STON2: variants seen among roughly 807,000 people sequenced by gnomAD.
STON2 encodes stonin-2.
Under a neutral mutation model 65.7 loss-of-function variants are expected in STON2, and 29 were observed. The observed-to-expected ratio is 0.44, with a 90% CI of 0.33 to 0.60. STON2 has a LOEUF of 0.60. STON2 is among the 20% of genes least tolerant of loss of function. STON2 has a pLI of 0.03. For synonymous variants in STON2, 404 were observed against 414.2 expected, an observed-to-expected ratio of 0.98 and a Z score of 0.30; for missense variants, 1,054 against 1,118.1, an observed-to-expected ratio of 0.94 and a Z score of 0.82.
At chr14:81,269,627 T>A in intron 7 of STON2, 1 of 985,382 alleles carries the variant, frequency 1.0e-6, no homozygotes, top group Non-Finnish European at 1.2e-6. Context: ...TGTTTGTTCC[T>A]TTTGGTAGTT....
upstream of STON2, among the ~76,000 whole-genome samples, chr14:81,404,708 T>G (rs1009203491): frequency 2.0e-5 from 3 of 152,160 alleles, no homozygotes; most frequent in African/African-American, 4.8e-5. Context: ...GGTCTCACTC[T>G]GTTGCCCAGG....
intron 4 of STON2, among the ~76,000 whole-genome samples, chr14:81,341,446 G>GT (rs748642462): frequency 0.11 from 12,314 of 114,048 alleles, 920 homozygotes; most frequent in African/African-American, 0.24. Flanking sequence ...TTTTATAAGT[G>GT]TTTTTTTTTT....
Position 81,397,545 on chromosome 14 carries a change from G to A in STON2, c.88+750C>T, listed in dbSNP as rs539845222. Reference sequence around the variant, plus strand: ...TCAGTAACCACATGGCCACCATATTGGAGAGCATACCTGTCGACTCACACT... The same window carrying A: ...TCAGTAACCACATGGCCACCATATTAGAGAGCATACCTGTCGACTCACACT... On this transcript the variant is annotated intron_variant, in intron 2 of 7. Transcript: ENST00000614646. Among the ~76,000 whole-genome samples the A allele has an allele frequency of 3.3e-5, 5 of 152,220 alleles. No homozygotes were observed. The South Asian group carries it at 6.2e-4, about 19-fold the overall frequency.
At chr14:81,298,420 G>GA (rs939632896) in intron 5 of STON2, among the ~76,000 whole-genome samples, 4 of 61,088 alleles carry the variant, frequency 6.5e-5, no homozygotes, top group South Asian at 7.2e-4. Flanking sequence ...CAGATGGGGG[G>GA]GGGGAATCAC....
chr14:81,380,164 T>C (rs973811681), intron 3 of STON2, among the ~76,000 whole-genome samples: 8 of 152,094 alleles, frequency 5.3e-5, no homozygotes, highest in African/African-American at 1.2e-4. Context: ...AACAACCCCA[T>C]TAAAATGGGC....
At chr14:81,372,710 T>C (rs1352812486) in intron 3 of STON2, among the ~76,000 whole-genome samples, 1 of 152,200 alleles carries the variant, frequency 6.6e-6, no homozygotes, top group African/African-American at 2.4e-5. Context: ...ATTTTACAAA[T>C]GTCTTGTTTC....
At chr14:81,384,438 G>A (rs1388631785) in intron 3 of STON2, among the ~76,000 whole-genome samples, 1 of 152,108 alleles carries the variant, frequency 6.6e-6, no homozygotes, top group Non-Finnish European at 1.5e-5. Context: ...GTTTCACTAT[G>A]TTGGCCAGGC....
Position 81,264,057 on chromosome 14 carries a change from T to C in STON2, c.*4357A>G. 1.0e-6 allele frequency: 1 copy of C among 985,454 alleles called. No homozygotes were observed. Among genetic ancestry groups the C allele is most frequent in the Non-Finnish European group, 1.2e-6 (1 of 829,944 alleles). 61.0% of individuals were successfully genotyped at this position (985,454 alleles called of 1,614,324 possible). On this transcript the variant is annotated 3_prime_UTR_variant, in exon 8 of 8. Coordinates refer to ENST00000614646, the MANE Select transcript of STON2 (RefSeq NM_001394390.1). Reference sequence around the variant, plus strand: ...CTGGTTGTGCACTCTATCAAATGCTTTCTTTTCCTACTGACCATTGAAATG... The same window carrying C: ...CTGGTTGTGCACTCTATCAAATGCTCTCTTTTCCTACTGACCATTGAAATG...
In STON2 at chr14:81,277,177, C is replaced by T. The variant is rs2140118109; in HGVS notation, c.2305G>A (p.Gly769Ser). ...AGGGGGTCACGATTGGCGGAGAAGC[C>T]AGTTGACATCCTCAGCCAGCTCTGC... is the stretch of plus-strand genomic sequence containing the variant. ...EVQSWLRMST[G>S]FSANRDPLTQ... Residue 769 changes from glycine (G) to serine (S), a missense_variant, in exon 6 of 8, where the codon GGC becomes AGC. Transcript: ENST00000614646. The T allele has an allele frequency of 6.2e-7, 1 of 1,614,212 alleles. No homozygotes were observed. Among genetic ancestry groups the T allele is most frequent in the Non-Finnish European group, 8.5e-7 (1 of 1,180,040 alleles).
In STON2 at chr14:81,319,723, C is replaced by T. The variant is rs144226705; in HGVS notation, c.742+4294G>A. On this transcript the variant is annotated intron_variant, in intron 5 of 7. Coordinates refer to ENST00000614646, the MANE Select transcript of STON2 (RefSeq NM_001394390.1). ...ATTACAGGTTCCGAACCTTCATCTA[C>T]AGATATTTGATTGAATACTCTAGTA... Among the ~76,000 whole-genome samples the T allele has an allele frequency of 1.0e-3, 153 of 152,298 alleles. 1 individual carries two copies. The highest frequency in any genetic ancestry group is 3.6e-3 in the African/African-American group (150 of 41,552).
chr14:81,397,497 C>CAG (rs1283455021), intron 2 of STON2, among the ~76,000 whole-genome samples: 1 of 152,136 alleles, frequency 6.6e-6, no homozygotes, highest in African/African-American at 2.4e-5. Flanking sequence ...CATCCCAATT[C>CAG]AGACTTGTCA....
chr14:81,263,547 A>AC lies in STON2; in HGVS notation c.*4866_*4867insG, dbSNP rs1216929135. 23 of 187,554 alleles carry AC rather than the reference A, an allele frequency of 1.2e-4. 1 individual carries two copies. Among genetic ancestry groups the AC allele is most frequent in the South Asian group, 7.4e-4 (4 of 5,428 alleles). The allele number at this position is 187,554 out of a possible 1,614,324, so 11.6% of individuals were successfully genotyped here. ...ACTGAGACTCCGTCTCAAAAAAAAA[A>AC]AAAAAAAAAAAAACAAAAAAGAAAA... is the stretch of plus-strand genomic sequence containing the variant. On this transcript the variant is annotated 3_prime_UTR_variant, in exon 8 of 8. Coordinates refer to ENST00000614646, the MANE Select transcript of STON2 (RefSeq NM_001394390.1).
chr14:81,331,504 G>T (rs1035426246), intron 4 of STON2, among the ~76,000 whole-genome samples: 1 of 152,116 alleles, frequency 6.6e-6, no homozygotes, highest in African/African-American at 2.4e-5. Context: ...CTACTGGGAG[G>T]GGGGGTACAG....
At chr14:81,270,035 C>T (rs1894508327) in intron 7 of STON2, 1 of 983,848 alleles carries the variant, frequency 1.0e-6, no homozygotes, top group Non-Finnish European at 1.2e-6. Context: ...AAGCTCACTA[C>T]TCTGTGACAT....
At chr14:81,329,978 C>G (rs964992489) in intron 4 of STON2, among the ~76,000 whole-genome samples, 3 of 152,170 alleles carry the variant, frequency 2.0e-5, no homozygotes, top group African/African-American at 7.2e-5. Flanking sequence ...TAGGGTAAGG[C>G]AGCTTCCGTC....
intron 7 of STON2, chr14:81,269,842 A>G: frequency 1.0e-6 from 1 of 985,394 alleles, no homozygotes; most frequent in Non-Finnish European, 1.2e-6. Flanking sequence ...GAAAACTCCA[A>G]CTTTTATGAT....
chr14:81,306,516 A>AGCTGGGACTATAGGTCTATGCC (rs1896190908), intron 5 of STON2: 1 of 152,226 alleles, frequency 6.6e-6, no homozygotes, highest in East Asian at 1.9e-4. Flanking sequence ...CCTCTCAAGT[A>AGCTGGGACTATAGGTCTATGCC]GCTGGGACTA....
chr14:81,394,114 C>T (rs986201483), intron 3 of STON2, among the ~76,000 whole-genome samples: 4 of 152,122 alleles, frequency 2.6e-5, no homozygotes, highest in Admixed American at 2.6e-4. Context: ...TTGCTTGAAC[C>T]TCAGGGGCAG....
chr14:81,270,572 GC>G, intron 7 of STON2, 97 bp downstream of exon 7: 2 of 1,607,070 alleles, frequency 1.2e-6, no homozygotes, highest in Non-Finnish European at 1.7e-6. Context: ...AGGTTACCAG[GC>G]GAACATAGTA....
Sources: gnomAD v4.1 joint callset for allele counts (sites outside exome capture counted in the v4.1 genomes callset) on GRCh38, gnomAD v4.1.1 for gene constraint, MANE v1.5 for transcripts, NCBI Gene and HGNC (gene_info 2026-07-23, HGNC 2026-07-21) for gene names.